Variants in NAV1 observed in about 807,000 individuals in gnomAD.
The protein encoded by NAV1 is pore membrane and/or filament interacting like protein 3.
Under a neutral mutation model 175.2 loss-of-function variants are expected in NAV1, and 18 were observed. That is an observed-to-expected ratio of 0.10 (90% CI 0.07 to 0.15). The LOEUF (loss-of-function observed/expected upper bound fraction) is 0.15. NAV1 is among the 10% of genes least tolerant of loss of function. NAV1 has a pLI of 1.00. For missense variants in NAV1, 1,731 were observed against 2,436.6 expected (o/e 0.71, Z 6.10); for synonymous variants, 897 against 978.7 (o/e 0.92, Z 1.56).
chr1:201,733,124 T>C (rs1438320055), intron 3 of NAV1, among the ~76,000 whole-genome samples: 1 of 150,026 alleles, frequency 6.7e-6, no homozygotes, highest in South Asian at 2.1e-4. Flanking sequence ...CTTATGCCTG[T>C]AATCCCAGCA....
intron 1 of NAV1, among the ~76,000 whole-genome samples, chr1:201,674,621 A>G (rs759107806): frequency 6.6e-6 from 1 of 152,210 alleles, no homozygotes; most frequent in Non-Finnish European, 1.5e-5. Flanking sequence ...CCTTCAAAGG[A>G]GCCTCAGGGA....
At chr1:201,605,091 A>T (rs1267901018) in intron 2 of NAV1, among the ~76,000 whole-genome samples, 2 of 149,900 alleles carry the variant, frequency 1.3e-5, no homozygotes, top group African/African-American at 4.9e-5. Flanking sequence ...ACAAACGATG[A>T]CCCAGCACCA....
chr1:201,736,391 T>C (rs991328062), intron 3 of NAV1, among the ~76,000 whole-genome samples: 3 of 152,166 alleles, frequency 2.0e-5, no homozygotes, highest in Admixed American at 6.5e-5. Context: ...CTCAAGTCTT[T>C]CCCTTTTTTT....
At chr1:201,793,849 C>T in exon 14 of NAV1, 1 of 1,611,218 alleles carries the variant, frequency 6.2e-7, no homozygotes, top group Non-Finnish European at 8.5e-7. Context: ...CCGCCTGCGA[C>T]ACCTGGCAGA....
At chr1:201,657,145 G>T (rs1371560384) in intron 1 of NAV1, among the ~76,000 whole-genome samples, 1 of 152,170 alleles carries the variant, frequency 6.6e-6, no homozygotes. Flanking sequence ...TAATCTAATG[G>T]TTATCAATAA....
At chr1:201,809,314 T>C in intron 21 of NAV1, 53 bp downstream of exon 25, 1 of 1,604,174 alleles carries the variant, frequency 6.2e-7, no homozygotes, top group South Asian at 1.1e-5. Context: ...CTGTTACATT[T>C]ATCCAAGAAA....
intron 1 of NAV1, among the ~76,000 whole-genome samples, chr1:201,572,944 C>T (rs1438036443): frequency 6.6e-6 from 1 of 152,166 alleles, no homozygotes; most frequent in Non-Finnish European, 1.5e-5. Flanking sequence ...CTCCTTCCTA[C>T]TCCATCTTGC....
chr1:201,765,229 A>G (rs1270793238), intron 3 of NAV1, among the ~76,000 whole-genome samples: 1 of 152,300 alleles, frequency 6.6e-6, no homozygotes, highest in Non-Finnish European at 1.5e-5. Flanking sequence ...TCTAAGTGCC[A>G]TACAGAACTC....
intron 2 of NAV1, among the ~76,000 whole-genome samples, chr1:201,593,981 G>A (rs1269396697): frequency 6.6e-6 from 1 of 152,148 alleles, no homozygotes; most frequent in African/African-American, 2.4e-5. Context: ...CAGTGCAGGT[G>A]GGAAGAGGCT....
intron 3 of NAV1, among the ~76,000 whole-genome samples, chr1:201,758,314 C>T (rs1483023779): frequency 6.6e-6 from 1 of 152,164 alleles, no homozygotes. Flanking sequence ...ATGATGTTGA[C>T]ATTTTATTTG....
intron 3 of NAV1, among the ~76,000 whole-genome samples, chr1:201,765,138 C>T (rs895494499): frequency 4.6e-5 from 7 of 152,138 alleles, no homozygotes; most frequent in Non-Finnish European, 1.0e-4. Context: ...TAACAGAAGT[C>T]CTTTCTCTAT....
In NAV1 at chr1:201,807,845, TAA is replaced by T; in HGVS notation, c.3649-106_3649-105del. The T allele has an allele frequency of 9.2e-7, 1 of 1,090,822 alleles. No homozygotes were observed. The highest frequency in any genetic ancestry group is 1.4e-5 in the South Asian group (1 of 69,396). The allele number at this position is 1,090,822 out of a possible 1,614,324, so 67.6% of individuals were successfully genotyped here. Reference sequence around the variant, plus strand: ...GTTATAGAGGGTGGCTTAATTAAAGTAAATCCCCCGCCTCCAGCTCTCTCTGT... The same window carrying T: ...GTTATAGAGGGTGGCTTAATTAAAGTATCCCCCGCCTCCAGCTCTCTCTGT... On this transcript the variant is annotated intron_variant, in intron 17 of 29. Coordinates refer to ENST00000367296, the Ensembl canonical transcript of NAV1. The surrounding 1 kb of genome is among the most constrained non-coding windows in gnomAD (Gnocchi z 5.4).
chr1:201,759,647 C>G (rs766080415), intron 3 of NAV1, among the ~76,000 whole-genome samples: 19 of 152,138 alleles, frequency 1.2e-4, no homozygotes, highest in Admixed American at 2.0e-4. Flanking sequence ...TAAGTAATAG[C>G]TAATGTTGAG....
chr1:201,762,855 C>T (rs535007194), intron 3 of NAV1, among the ~76,000 whole-genome samples: 2 of 152,296 alleles, frequency 1.3e-5, no homozygotes, highest in South Asian at 4.1e-4. Flanking sequence ...TAAGGAAACA[C>T]TGCAGGAAGA....
chr1:201,593,634 G>A (rs997286740), intron 2 of NAV1, among the ~76,000 whole-genome samples: 1 of 152,110 alleles, frequency 6.6e-6, no homozygotes, highest in African/African-American at 2.4e-5. Context: ...CATGTACTGG[G>A]CCCGCACGAT....
rs116514902 is a variant in NAV1 at position 201,825,350 on chromosome 1, T to C, written c.*5418T>C. ...AGTAAAAAAAAAAAAAAAAATCTAA[T>C]TTGTATTTCCATGACAACGTGTTCT... On this transcript the variant is annotated 3_prime_UTR_variant, in exon 30 of 30. Transcript: ENST00000367296. The C allele has an allele frequency of 1.1e-3, 166 of 151,632 alleles. 2 individuals are homozygous for C. The highest frequency in any genetic ancestry group is 3.8e-3 in the African/African-American group (156 of 41,342). The allele number at this position is 151,632 out of a possible 1,614,324, so 9.4% of individuals were successfully genotyped here. A position where few individuals can be genotyped will look rare whatever the true frequency, so the allele number is the denominator to read the frequency against.
intron 1 of NAV1, among the ~76,000 whole-genome samples, chr1:201,555,566 C>T (rs940586751): frequency 1.3e-5 from 2 of 152,004 alleles, no homozygotes; most frequent in African/African-American, 4.8e-5. Flanking sequence ...TTCCATCCCT[C>T]ATTTGGGAAC....
At position 201,691,684 on chromosome 1, in the gene NAV1, C is replaced by T. The variant is rs144017624; in HGVS notation, c.758-21133C>T. On this transcript the variant is annotated intron_variant, in intron 1 of 29. Coordinates refer to ENST00000367296, the Ensembl canonical transcript of NAV1. ...AGAATAGCGGCTTGTATGACCCTGG[C>T]TTAGGACGCCGTGGAATCGCCTTTT... Among the ~76,000 whole-genome samples, 21 of 152,318 alleles carry T rather than the reference C, an allele frequency of 1.4e-4. No homozygotes were observed. In the East Asian group the frequency reaches 4.1e-3, roughly 29 times the overall value.
chr1:201,725,579 G>C (rs992184149), intron 3 of NAV1, among the ~76,000 whole-genome samples: 1 of 149,324 alleles, frequency 6.7e-6, no homozygotes, highest in Non-Finnish European at 1.5e-5. Flanking sequence ...GAGTTGGGGC[G>C]GGGGGGCTAC....
Sources: allele counts gnomAD v4.1 joint callset (sites outside exome capture counted in the v4.1 genomes callset), GRCh38; gene constraint gnomAD v4.1.1; non-coding constraint Gnocchi (gnomAD v3.1); transcripts MANE v1.5; gene names NCBI Gene and HGNC (gene_info 2026-07-23, HGNC 2026-07-21).